SLC2A13: variants seen among roughly 807,000 people sequenced by gnomAD.
SLC2A13 encodes the protein proton myo-inositol cotransporter.
A neutral mutation model predicts 64.4 loss-of-function variants in SLC2A13; 32 were observed. The observed-to-expected ratio is 0.50, with a 90% confidence interval of 0.37 to 0.67. SLC2A13 has a LOEUF of 0.67. Ranked by LOEUF, SLC2A13 falls within the 30% of genes least tolerant of loss-of-function variation. SLC2A13 has a pLI of 0.00. For synonymous variants in SLC2A13, 338 were observed against 327.1 expected (o/e 1.03, Z -0.36); for missense variants, 743 against 829.2 (o/e 0.90, Z 1.28).
chr12:39,900,363 A>C (rs925009441), intron 4 of SLC2A13, among the ~76,000 whole-genome samples: 2 of 152,182 alleles, frequency 1.3e-5, no homozygotes, highest in African/African-American at 2.4e-5. Flanking sequence ...GAAAGAAATA[A>C]AGGGGATTAT....
intron 3 of SLC2A13, among the ~76,000 whole-genome samples, chr12:39,953,981 T>C (rs1021345865): frequency 3.3e-5 from 5 of 152,220 alleles, no homozygotes; most frequent in African/African-American, 1.2e-4. Flanking sequence ...AAAAATGCAC[T>C]AAAAGCCAGT....
intron 3 of SLC2A13, 21 bp from the exon 4 acceptor site, chr12:39,951,386 A>AG (rs779423289): frequency 2.1e-5 from 32 of 1,554,068 alleles, no homozygotes; most frequent in South Asian, 3.7e-5. Flanking sequence ...AAAGAAAGAA[A>AG]AAAAAAATAC....
At chr12:40,014,492 T>C (rs2136198618) in intron 3 of SLC2A13, among the ~76,000 whole-genome samples, 1 of 152,184 alleles carries the variant, frequency 6.6e-6, no homozygotes, top group East Asian at 1.9e-4. Flanking sequence ...AGATATTCAT[T>C]TTTTTTTCTT....
chr12:40,042,670 C>A (rs1439449243), intron 2 of SLC2A13, among the ~76,000 whole-genome samples: 1 of 152,050 alleles, frequency 6.6e-6, no homozygotes, highest in Non-Finnish European at 1.5e-5. Context: ...GTTCAATAAA[C>A]ATTTACTGAA....
intron 7 of SLC2A13, among the ~76,000 whole-genome samples, chr12:39,820,748 T>C (rs1942476644): frequency 1.1e-4 from 1 of 8,920 alleles, no homozygotes; most frequent in Non-Finnish European, 1.7e-4. Flanking sequence ...TATATATATA[T>C]ATATATATAT....
intron 2 of SLC2A13, among the ~76,000 whole-genome samples, chr12:40,044,168 C>A (rs890281088): frequency 6.6e-6 from 1 of 152,190 alleles, no homozygotes; most frequent in South Asian, 2.1e-4. Context: ...GAAGTACTGA[C>A]ACATACTACA....
intron 1 of SLC2A13, among the ~76,000 whole-genome samples, chr12:40,096,845 A>C (rs1161952555): frequency 6.6e-6 from 1 of 152,160 alleles, no homozygotes; most frequent in Non-Finnish European, 1.5e-5. Flanking sequence ...GAAATTCTAG[A>C]AAGTATCATC....
chr12:39,908,055 T>C (rs971419082), intron 4 of SLC2A13: 5 of 152,036 alleles, frequency 3.3e-5, no homozygotes, highest in Non-Finnish European at 7.3e-5. Context: ...CATAGACTTA[T>C]CTATTACCAG....
At chr12:39,856,973 C>T (rs1943625160) in intron 6 of SLC2A13, among the ~76,000 whole-genome samples, 1 of 152,150 alleles carries the variant, frequency 6.6e-6, no homozygotes, top group Non-Finnish European at 1.5e-5. Context: ...ATTGCTGTCA[C>T]AGTCCTGGAT....
chr12:39,936,515 T>TGTTTCC (rs1945920428), intron 4 of SLC2A13, among the ~76,000 whole-genome samples: 2 of 152,216 alleles, frequency 1.3e-5, no homozygotes, highest in South Asian at 4.1e-4. Flanking sequence ...TTTCCTGCCT[T>TGTTTCC]TAGGCCCTAT....
At chr12:39,814,228 A>C (rs977669743) in intron 7 of SLC2A13, among the ~76,000 whole-genome samples, 1 of 152,108 alleles carries the variant, frequency 6.6e-6, no homozygotes, top group Non-Finnish European at 1.5e-5. Context: ...TCATTGCTTT[A>C]CCTCCCCAGG....
chr12:40,062,530 G>A (rs892193410), intron 1 of SLC2A13, among the ~76,000 whole-genome samples: 4 of 151,930 alleles, frequency 2.6e-5, no homozygotes, highest in African/African-American at 9.7e-5. Flanking sequence ...AGAAGAAGAC[G>A]TTTGTAACTT....
intron 6 of SLC2A13, among the ~76,000 whole-genome samples, chr12:39,831,212 T>C (rs978879336): frequency 9.9e-5 from 15 of 152,242 alleles, no homozygotes; most frequent in African/African-American, 3.6e-4. Flanking sequence ...TAATGGAAAC[T>C]GGGTATGAGC....
At chr12:40,028,651 G>A in intron 2 of SLC2A13, 142 bp from the exon 3 acceptor site, 2 of 728,610 alleles carry the variant, frequency 2.7e-6, no homozygotes, top group Admixed American at 3.2e-5. Context: ...GTGTGTGTCT[G>A]TCACTAGGAA....
chr12:39,974,053 C>T (rs1378545763), intron 3 of SLC2A13, among the ~76,000 whole-genome samples: 1 of 152,230 alleles, frequency 6.6e-6, no homozygotes, highest in South Asian at 2.1e-4. Context: ...ACCAACCCTA[C>T]CAGCAGCAGC....
At chr12:39,863,582 A>C (rs1301417232) in intron 6 of SLC2A13, among the ~76,000 whole-genome samples, 1 of 152,206 alleles carries the variant, frequency 6.6e-6, no homozygotes, top group Non-Finnish European at 1.5e-5. Flanking sequence ...GAAAAAGAAA[A>C]GTAGAATATG....
chr12:39,976,039 C>A (rs1198189552), intron 3 of SLC2A13, among the ~76,000 whole-genome samples: 1 of 152,174 alleles, frequency 6.6e-6, no homozygotes. Context: ...ACAGAGGAGG[C>A]ACAATTGTCA....
At chr12:39,903,857 G>A (rs1168687004) in intron 4 of SLC2A13, among the ~76,000 whole-genome samples, 1 of 152,054 alleles carries the variant, frequency 6.6e-6, no homozygotes, top group Non-Finnish European at 1.5e-5. Context: ...AGATTGAGTG[G>A]CCTCTTATAT....
chr12:39,782,944 A>C (rs996429582), intron 7 of SLC2A13, among the ~76,000 whole-genome samples: 1 of 152,166 alleles, frequency 6.6e-6, no homozygotes, highest in Non-Finnish European at 1.5e-5. Flanking sequence ...GTATGTATAC[A>C]TGTGCCATGT....
Sources: allele counts gnomAD v4.1 joint callset (sites outside exome capture counted in the v4.1 genomes callset), GRCh38; gene constraint gnomAD v4.1.1; transcripts MANE v1.5; gene names NCBI Gene and HGNC (gene_info 2026-07-23, HGNC 2026-07-21).